NINJ2: variants seen among roughly 807,000 people sequenced by gnomAD.
NINJ2 encodes ninjurin-2.
In NINJ2, 12 loss-of-function variants were observed where a neutral mutation model predicts 11.7. The observed-to-expected ratio is 1.02, with a 90% CI of 0.66 to 1.66. The LOEUF is 1.66. NINJ2 is among the 40% of genes most tolerant of loss of function. NINJ2 has a pLI of 0.00. For missense variants in NINJ2, 187 were observed against 181.8 expected, an observed-to-expected ratio of 1.03 and a Z score of -0.16; for synonymous variants, 93 against 76.8, an observed-to-expected ratio of 1.21 and a Z score of -1.10.
Position 600,908 on chromosome 12 carries a change from T to A in NINJ2, c.34-34730A>T, listed in dbSNP as rs999727005. ...GGGTTGTTCTAGTATTTATGTAATTTAAAAAAATCAATCTTGAGTTTTCAA... is the reference window on the plus strand; with the variant it reads ...GGGTTGTTCTAGTATTTATGTAATTAAAAAAAATCAATCTTGAGTTTTCAA... On this transcript the variant is annotated intron_variant, in intron 1 of 3. Transcript: ENST00000305108. 5.9e-5 allele frequency among the ~76,000 whole-genome samples: 9 copies of A among 152,274 alleles called. 1 individual carries two copies. Among genetic ancestry groups the A allele is most frequent in the African/African-American group, 2.2e-4 (9 of 41,554 alleles).
chr12:588,644 G>A (rs959428422), intron 1 of NINJ2, among the ~76,000 whole-genome samples: 2 of 152,006 alleles, frequency 1.3e-5, no homozygotes, highest in Admixed American at 1.3e-4. Context: ...CCATTTCCTC[G>A]ACCACCACAC....
intron 1 of NINJ2, among the ~76,000 whole-genome samples, chr12:624,019 G>C (rs1263542700): frequency 6.6e-6 from 1 of 152,210 alleles, no homozygotes; most frequent in African/African-American, 2.4e-5. Flanking sequence ...CTTGGTGACA[G>C]AGCGAGACTC....
At chr12:589,227 T>C (rs373342013) in intron 1 of NINJ2, among the ~76,000 whole-genome samples, 7 of 152,204 alleles carry the variant, frequency 4.6e-5, no homozygotes, top group African/African-American at 1.7e-4. Context: ...AGAGAGGTGT[T>C]CTTGTTCAAT....
chr12:659,823 G>A (rs142163467), intron 1 of NINJ2, among the ~76,000 whole-genome samples: 11 of 152,270 alleles, frequency 7.2e-5, no homozygotes, highest in South Asian at 2.1e-4. Flanking sequence ...TAGTAGGTGC[G>A]GGCACACACA....
chr12:577,440 T>TGTATATATATATATAC (rs1565621308), intron 1 of NINJ2, among the ~76,000 whole-genome samples: 6 of 141,806 alleles, frequency 4.2e-5, no homozygotes, highest in South Asian at 2.2e-4. Flanking sequence ...CATATATATA[T>TGTATATATATATATAC]ATAAATATTT....
chr12:570,968 G>T (rs1176986503), intron 1 of NINJ2, among the ~76,000 whole-genome samples: 2 of 152,186 alleles, frequency 1.3e-5, no homozygotes, highest in African/African-American at 4.8e-5. Context: ...TTCACAGAAG[G>T]AAGGACAGAA....
chr12:649,801 A>G (rs574847504), intron 1 of NINJ2, among the ~76,000 whole-genome samples: 5 of 152,004 alleles, frequency 3.3e-5, no homozygotes, highest in Non-Finnish European at 7.4e-5. Context: ...TGTTTATTCT[A>G]TATGATTTTT....
At chr12:647,722 C>T (rs1316490958) in intron 1 of NINJ2, among the ~76,000 whole-genome samples, 1 of 152,168 alleles carries the variant, frequency 6.6e-6, no homozygotes, top group African/African-American at 2.4e-5. Context: ...TAGTATGCAT[C>T]GGGATCACCA....
chr12:609,770 C>A (rs76727863), intron 1 of NINJ2, among the ~76,000 whole-genome samples: 172 of 88,704 alleles, frequency 1.9e-3, no homozygotes, highest in South Asian at 3.4e-3. Flanking sequence ...GACTCTGCCT[C>A]AAAAAAAAAA....
chr12:613,700 TC>T (rs1249771658), intron 1 of NINJ2, among the ~76,000 whole-genome samples: 1 of 151,640 alleles, frequency 6.6e-6, no homozygotes, highest in Non-Finnish European at 1.5e-5. Context: ...GGTCAGGAGA[TC>T]AAGACCATCC....
chr12:636,589 A>G (rs1027161258), intron 1 of NINJ2, among the ~76,000 whole-genome samples: 4 of 152,152 alleles, frequency 2.6e-5, no homozygotes, highest in African/African-American at 7.2e-5. Flanking sequence ...ACATTTCTCC[A>G]AAGAAGACAC....
intron 1 of NINJ2, among the ~76,000 whole-genome samples, chr12:650,647 C>T (rs1447034812): frequency 2.6e-5 from 4 of 152,026 alleles, no homozygotes; most frequent in African/African-American, 4.8e-5. Context: ...TGTGGTGAGC[C>T]GAGTTCGCGC....
chr12:566,164 G>A lies in NINJ2; in HGVS notation c.48C>T (p.Asp16=), dbSNP rs137864383. Residue 16 remains aspartate, a synonymous_variant, in exon 2 of 4, where the codon GAC becomes GAT. Coordinates refer to ENST00000305108, the MANE Select transcript of NINJ2 (RefSeq NM_016533.6). ...ENIDLQPGSS[D]PRSQPINLNH... is the part of the protein sequence containing the mutation. ...TCAGGTTGATGGGCTGGCTCCTGGGGTCGGAGCTTCCAGGCTGTAGGGGAG... is the reference window on the plus strand; with the variant it reads ...TCAGGTTGATGGGCTGGCTCCTGGGATCGGAGCTTCCAGGCTGTAGGGGAG... 5.0e-5 allele frequency: 80 copies of A among 1,613,554 alleles called. No individual in the cohort carries two copies. The highest frequency in any genetic ancestry group is 5.8e-5 in the Non-Finnish European group (68 of 1,179,698).
At chr12:642,066 G>A (rs1420173853) in intron 1 of NINJ2, among the ~76,000 whole-genome samples, 1 of 152,228 alleles carries the variant, frequency 6.6e-6, no homozygotes, top group Admixed American at 6.5e-5. Flanking sequence ...GACAGCCTGA[G>A]ATGTGAATCC....
chr12:612,528 T>C (rs560110063), intron 1 of NINJ2, among the ~76,000 whole-genome samples: 1 of 152,184 alleles, frequency 6.6e-6, no homozygotes, highest in South Asian at 2.1e-4. Flanking sequence ...ACGGACTACA[T>C]GAACCAAGAT....
chr12:608,082 C>T (rs1488672288), intron 1 of NINJ2, among the ~76,000 whole-genome samples: 1 of 152,158 alleles, frequency 6.6e-6, no homozygotes, highest in Admixed American at 6.5e-5. Flanking sequence ...GATGAGTATC[C>T]AAGGTCTGGA....
intron 1 of NINJ2, among the ~76,000 whole-genome samples, chr12:642,430 C>T (rs577014628): frequency 7.9e-5 from 12 of 152,250 alleles, no homozygotes; most frequent in African/African-American, 2.9e-4. Context: ...GGGGTTTCGC[C>T]ATGCTGGCCA....
At chr12:642,906 G>GCCCTGCGCCCTCGCGCT (rs1259241121) in intron 1 of NINJ2, 4 of 147,266 alleles carry the variant, frequency 2.7e-5, no homozygotes, top group African/African-American at 1.0e-4. Flanking sequence ...GCTTCCGCGG[G>GCCCTGCGCCCTCGCGCT]CCCTGCGCCC....
chr12:639,846 C>T (rs9669075), intron 1 of NINJ2, among the ~76,000 whole-genome samples: 172 of 152,292 alleles, frequency 1.1e-3, no homozygotes, highest in Non-Finnish European at 1.9e-3. Context: ...TGATTGAAAC[C>T]GGCAGGGGTA....
Sources: gnomAD v4.1 joint callset for allele counts (sites outside exome capture counted in the v4.1 genomes callset) on GRCh38, gnomAD v4.1.1 for gene constraint, MANE v1.5 for transcripts, NCBI Gene and HGNC (gene_info 2026-07-23, HGNC 2026-07-21) for gene names.